CCDC192: variants seen among roughly 807,000 people sequenced by gnomAD.
CCDC192 encodes coiled-coil domain containing 192.
At chr5:127,827,820 G>C (rs1316956923) in intron 5 of CCDC192, among the ~76,000 whole-genome samples, 1 of 152,168 alleles carries the variant, frequency 6.6e-6, no homozygotes, top group Non-Finnish European at 1.5e-5. Flanking sequence ...CCAGTACCTA[G>C]ACAGAAAAAT....
chr5:127,886,719 G>A (rs1580796241), intron 6 of CCDC192, among the ~76,000 whole-genome samples: 1 of 152,168 alleles, frequency 6.6e-6, no homozygotes, highest in East Asian at 1.9e-4. Context: ...GCTATTAGTA[G>A]TTCAGTTCAG....
intron 3 of CCDC192, among the ~76,000 whole-genome samples, chr5:127,778,715 C>G (rs1756013798): frequency 6.6e-6 from 1 of 151,910 alleles, no homozygotes; most frequent in South Asian, 2.1e-4. Flanking sequence ...GTGAAACCAA[C>G]TGGCTCTGGG....
chr5:127,894,359 A>C (rs906244265), intron 6 of CCDC192, among the ~76,000 whole-genome samples: 1 of 151,424 alleles, frequency 6.6e-6, no homozygotes, highest in Non-Finnish European at 1.5e-5. Flanking sequence ...CGCCTGGCTA[A>C]TTTTTTGTAT....
intron 6 of CCDC192, among the ~76,000 whole-genome samples, chr5:127,927,793 G>A (rs1374867450): frequency 6.6e-6 from 1 of 152,000 alleles, no homozygotes; most frequent in African/African-American, 2.4e-5. Flanking sequence ...TGAGATTTCT[G>A]GCTCTCCTAT....
chr5:127,754,341 A>C lies in CCDC192; in HGVS notation c.188A>C (p.Glu63Ala), dbSNP rs1754437453. Residue 63 changes from glutamate to alanine, a missense_variant, in exon 3 of 7, where the codon GAA becomes GCA. Physicochemically the swap from Glu to Ala is moderately radical, Grantham distance 107. Transcript: ENST00000514853. ...QLESLEICLK[E>A]AEEKAKALSE... ...GAGTCCTTGGAGATTTGCCTGAAAG[A>C]AGCAGAAGAAAAGGCTAAAGCTTTA... The C allele has an allele frequency of 2.5e-6, 1 of 398,966 alleles. No homozygotes were observed. The highest frequency in any genetic ancestry group is 2.1e-5 in the African/African-American group (1 of 48,726). The allele number at this position is 398,966 out of a possible 1,614,324, so 24.7% of individuals were successfully genotyped here.
intron 5 of CCDC192, among the ~76,000 whole-genome samples, chr5:127,820,496 C>T (rs997828448): frequency 2.0e-5 from 3 of 152,182 alleles, no homozygotes; most frequent in Admixed American, 6.5e-5. Context: ...GCAGGAGAAT[C>T]GCTTGAACCC....
At chr5:127,881,684 A>C (rs1207680635) in intron 6 of CCDC192, among the ~76,000 whole-genome samples, 1 of 152,246 alleles carries the variant, frequency 6.6e-6, no homozygotes, top group Non-Finnish European at 1.5e-5. Context: ...TGGAAAGTTC[A>C]GCTGAAAAGA....
chr5:127,861,217 A>G (rs1177264511), intron 5 of CCDC192, among the ~76,000 whole-genome samples: 1 of 151,930 alleles, frequency 6.6e-6, no homozygotes, highest in Admixed American at 6.6e-5. Flanking sequence ...CATGTTGGTC[A>G]GGCTGGTTTT....
chr5:127,809,154 GTTTAA>G (rs1757947282), intron 5 of CCDC192, among the ~76,000 whole-genome samples: 1 of 152,018 alleles, frequency 6.6e-6, no homozygotes, highest in Non-Finnish European at 1.5e-5. Context: ...TAACTATAAT[GTTTAA>G]TTTAACCATA....
chr5:127,894,485 C>G (rs1180443649), intron 6 of CCDC192, among the ~76,000 whole-genome samples: 2 of 152,130 alleles, frequency 1.3e-5, no homozygotes, highest in Non-Finnish European at 2.9e-5. Context: ...GCCACCGCGC[C>G]TGGCCAATCC....
At chr5:127,878,942 C>T (rs571896249) in intron 6 of CCDC192, among the ~76,000 whole-genome samples, 1 of 148,896 alleles carries the variant, frequency 6.7e-6, no homozygotes, top group African/African-American at 2.5e-5. Context: ...AGTAGGATTC[C>T]TAGGTATTTT....
At chr5:127,787,410 T>C (rs937739169) in intron 3 of CCDC192, among the ~76,000 whole-genome samples, 2 of 152,196 alleles carry the variant, frequency 1.3e-5, no homozygotes, top group Non-Finnish European at 2.9e-5. Context: ...CCTCGTCCCA[T>C]AAGTTTTTGT....
chr5:127,784,554 A>G, intron 3 of CCDC192: 1 of 446,692 alleles, frequency 2.2e-6, no homozygotes. Flanking sequence ...TGAGTTGTTT[A>G]CATTCTTTCC....
chr5:127,739,051 C>A (rs1458912360), intron 2 of CCDC192, among the ~76,000 whole-genome samples: 1 of 152,086 alleles, frequency 6.6e-6, no homozygotes, highest in Non-Finnish European at 1.5e-5. Flanking sequence ...TTTTCCCCAT[C>A]TTTGTGGTTT....
intron 1 of CCDC192, 98 bp from the exon 2 acceptor site, chr5:127,707,611 C>A (rs916276454): frequency 2.0e-5 from 8 of 390,936 alleles, no homozygotes; most frequent in African/African-American, 1.4e-4. Flanking sequence ...TTAAATGTTA[C>A]AGTGTAATGA....
At chr5:127,888,411 G>C (rs1412227442) in intron 6 of CCDC192, among the ~76,000 whole-genome samples, 1 of 151,528 alleles carries the variant, frequency 6.6e-6, no homozygotes, top group Non-Finnish European at 1.5e-5. Context: ...GTGAGACTCT[G>C]GCTCAAACAA....
chr5:127,885,245 C>T (rs1052863132), intron 6 of CCDC192, among the ~76,000 whole-genome samples: 2 of 152,156 alleles, frequency 1.3e-5, no homozygotes, highest in Non-Finnish European at 2.9e-5. Flanking sequence ...TTCTTAGCTA[C>T]AGAGACTGCT....
chr5:127,906,385 T>C (rs1380453253), intron 6 of CCDC192, among the ~76,000 whole-genome samples: 1 of 152,246 alleles, frequency 6.6e-6, no homozygotes, highest in Non-Finnish European at 1.5e-5. Flanking sequence ...TTTTCCATTG[T>C]ATGTATATAA....
At chr5:127,889,274 C>T (rs1473099606) in intron 6 of CCDC192, among the ~76,000 whole-genome samples, 1 of 152,132 alleles carries the variant, frequency 6.6e-6, no homozygotes, top group Non-Finnish European at 1.5e-5. Context: ...CTTCTGTTGC[C>T]TCAATTATAT....
Sources: allele counts gnomAD v4.1 joint callset (sites outside exome capture counted in the v4.1 genomes callset), GRCh38; gene constraint gnomAD v4.1.1; transcripts MANE v1.5; gene names NCBI Gene and HGNC (gene_info 2026-07-23, HGNC 2026-07-21).